The following CDH18 variants were observed in gnomAD, a reference collection of about 807,000 sequenced individuals.
CDH18 encodes cadherin-18.
Under a neutral mutation model 67.9 loss-of-function variants are expected in CDH18, and 31 were observed. The ratio of observed to expected loss-of-function variants is 0.46; its 90% CI spans 0.34 to 0.62. CDH18 has a LOEUF of 0.62. CDH18 is among the 20% of genes least tolerant of loss of function. CDH18 has a pLI of 0.01. For missense variants in CDH18, 890 were observed against 975.5 expected (o/e 0.91, Z 1.17); for synonymous variants, 362 against 347.2 (o/e 1.04, Z -0.48).
intron 1 of CDH18, among the ~76,000 whole-genome samples, chr5:20,452,022 G>T (rs1360072572): frequency 4.6e-5 from 7 of 152,042 alleles, no homozygotes; most frequent in Non-Finnish European, 1.0e-4. Context: ...TACCATCAAT[G>T]ATATTCAGTT....
Position 19,522,525 on chromosome 5 carries a change from T to C in CDH18, c.1391-1747A>G, listed in dbSNP as rs1375857258. ...TCTAATACAAATCCAATGAAAGTTGTTCATAGCAATTGAAAACTGCTTCTA... is the reference window on the plus strand; with the variant it reads ...TCTAATACAAATCCAATGAAAGTTGCTCATAGCAATTGAAAACTGCTTCTA... On this transcript the variant is annotated intron_variant, in intron 9 of 12. Coordinates refer to ENST00000382275, the MANE Select transcript of CDH18 (RefSeq NM_004934.5). Among the ~76,000 whole-genome samples, 5 of 152,306 alleles carry C rather than the reference T, an allele frequency of 3.3e-5. No individual in the cohort carries two copies. The East Asian group carries it at 9.7e-4, about 29-fold the overall frequency.
At chr5:20,330,814 C>G (rs1739099535) in intron 1 of CDH18, among the ~76,000 whole-genome samples, 1 of 152,168 alleles carries the variant, frequency 6.6e-6, no homozygotes, top group Non-Finnish European at 1.5e-5. Context: ...TCTCAAGTCA[C>G]CAGCTTGGCC....
intron 2 of CDH18, among the ~76,000 whole-genome samples, chr5:20,040,777 C>A (rs576190240): frequency 6.6e-6 from 1 of 152,212 alleles, no homozygotes; most frequent in South Asian, 2.1e-4. Flanking sequence ...CCAGTTCAAA[C>A]AACTGCTATT....
chr5:20,040,278 G>A (rs947870403), intron 2 of CDH18, among the ~76,000 whole-genome samples: 1 of 151,800 alleles, frequency 6.6e-6, no homozygotes, highest in Non-Finnish European at 1.5e-5. Flanking sequence ...AGAACATAAA[G>A]AATAATATTA....
chr5:19,555,185 C>T (rs766398978), intron 8 of CDH18, among the ~76,000 whole-genome samples: 4 of 152,144 alleles, frequency 2.6e-5, no homozygotes, highest in Non-Finnish European at 5.9e-5. Flanking sequence ...CCACATGGAC[C>T]AACAGAGCAG....
intron 2 of CDH18, among the ~76,000 whole-genome samples, chr5:20,121,270 T>G (rs1446797413): frequency 6.6e-6 from 1 of 152,202 alleles, no homozygotes; most frequent in African/African-American, 2.4e-5. Context: ...AATTTGTAAG[T>G]TACTTTGAAA....
At position 20,414,171 on chromosome 5, in the gene CDH18, A is replaced by T. The variant is rs544791275; in HGVS notation, c.-579-158666T>A. ...GAACTGAAAACAGAATTACCATTTGACTCAGCAATCTGATTACTGGGAAAA... is the reference window on the plus strand; with the variant it reads ...GAACTGAAAACAGAATTACCATTTGTCTCAGCAATCTGATTACTGGGAAAA... On this transcript the variant is annotated intron_variant, in intron 1 of 14. Coordinates refer to the CDH18 transcript ENST00000507958. Among the ~76,000 whole-genome samples the T allele has an allele frequency of 3.3e-5, 5 of 152,294 alleles. No homozygotes were observed. The East Asian group carries it at 9.6e-4, about 29-fold the overall frequency.
At chr5:20,237,692 C>T (rs971398956) in intron 2 of CDH18, among the ~76,000 whole-genome samples, 12 of 152,036 alleles carry the variant, frequency 7.9e-5, no homozygotes, top group African/African-American at 2.6e-4. Flanking sequence ...CAAAACCTTG[C>T]TCCTGTGTCA....
intron 8 of CDH18, among the ~76,000 whole-genome samples, chr5:19,561,861 C>A (rs1739518786): frequency 6.6e-6 from 1 of 152,110 alleles, no homozygotes; most frequent in South Asian, 2.1e-4. Context: ...CCCCTGAGTT[C>A]TCAAGTATCA....
rs537144396 is a variant in CDH18, at chr5:19,654,472, G to T, written c.644-41871C>A. ...TGTGTCACAGACGTGTGGCTCATCT[G>T]TTTAGCCGCTGTGCATTCAAACCCC... On this transcript the variant is annotated intron_variant, in intron 5 of 12. Transcript: ENST00000382275. Among the ~76,000 whole-genome samples, 3 of 152,250 alleles carry T rather than the reference G, an allele frequency of 2.0e-5. No homozygotes were observed. In the East Asian group the frequency reaches 5.8e-4, roughly 29 times the overall value.
At chr5:19,651,170 G>A (rs375460115) in intron 5 of CDH18, among the ~76,000 whole-genome samples, 20 of 151,988 alleles carry the variant, frequency 1.3e-4, no homozygotes, top group African/African-American at 4.8e-4. Context: ...TGGACTCATA[G>A]GTTCAAGTTT....
chr5:20,042,817 C>A (rs954728359), intron 2 of CDH18, among the ~76,000 whole-genome samples: 6 of 151,968 alleles, frequency 3.9e-5, no homozygotes, highest in Non-Finnish European at 7.4e-5. Flanking sequence ...CAAAAATTAG[C>A]CGGGCGTGCT....
chr5:20,258,945 A>G (rs1266550850), intron 1 of CDH18, among the ~76,000 whole-genome samples: 1 of 152,166 alleles, frequency 6.6e-6, no homozygotes, highest in Non-Finnish European at 1.5e-5. Flanking sequence ...CCCTGAGCAG[A>G]GAACCTAGGT....
chr5:20,068,771 T>A (rs1315373626), intron 2 of CDH18, among the ~76,000 whole-genome samples: 4 of 152,158 alleles, frequency 2.6e-5, no homozygotes, highest in African/African-American at 9.7e-5. Context: ...AATTCAGGTA[T>A]TTTTGGATAG....
chr5:19,752,146 A>T (rs1371274749), intron 3 of CDH18, among the ~76,000 whole-genome samples: 2 of 152,132 alleles, frequency 1.3e-5, no homozygotes, highest in Non-Finnish European at 2.9e-5. Context: ...GCCAAGCAAA[A>T]TACAGGGGTA....
chr5:20,526,592 C>T (rs144013184), intron 1 of CDH18, among the ~76,000 whole-genome samples: 1 of 152,168 alleles, frequency 6.6e-6, no homozygotes, highest in Non-Finnish European at 1.5e-5. Flanking sequence ...CTGCAGCCTC[C>T]ACTGGTGATA....
At chr5:20,258,824 A>G (rs1744435307) in intron 1 of CDH18, among the ~76,000 whole-genome samples, 1 of 152,120 alleles carries the variant, frequency 6.6e-6, no homozygotes, top group South Asian at 2.1e-4. Context: ...GCATCCAAAG[A>G]ACTCAGAGAA....
intron 1 of CDH18, among the ~76,000 whole-genome samples, chr5:20,318,244 A>T (rs1580739024): frequency 6.6e-6 from 1 of 152,192 alleles, no homozygotes; most frequent in South Asian, 2.1e-4. Flanking sequence ...GTTTATTTTT[A>T]TTGTTTATTA....
At chr5:19,603,332 T>C (rs1268700134) in intron 6 of CDH18, among the ~76,000 whole-genome samples, 1 of 152,004 alleles carries the variant, frequency 6.6e-6, no homozygotes, top group Non-Finnish European at 1.5e-5. Context: ...AGATAGAAAG[T>C]TGAATAACCA....
Sources: gnomAD v4.1 joint callset for allele counts (sites outside exome capture counted in the v4.1 genomes callset) on GRCh38, gnomAD v4.1.1 for gene constraint, MANE v1.5 for transcripts, NCBI Gene and HGNC (gene_info 2026-07-23, HGNC 2026-07-21) for gene names.